The following ASGR1 variants were observed in gnomAD, a reference collection of about 807,000 sequenced individuals.
The protein encoded by ASGR1 is asialoglycoprotein receptor 1.
Under a neutral mutation model 33.1 loss-of-function variants are expected in ASGR1, and 35 were observed. That is an observed-to-expected ratio of 1.06 (90% confidence interval 0.81 to 1.40). The LOEUF is 1.40. Ranked by LOEUF, ASGR1 falls within the 40% of genes most tolerant of loss-of-function variation. The pLI is 0.00. For missense variants in ASGR1, 396 were observed against 373.7 expected, an observed-to-expected ratio of 1.06 and a Z score of -0.49; for synonymous variants, 142 against 152.5, an observed-to-expected ratio of 0.93 and a Z score of 0.51.
chr17:7,176,089 C>T (rs1030728560), intron 5 of ASGR1, among the ~76,000 whole-genome samples: 90 of 151,114 alleles, frequency 6.0e-4, no homozygotes, highest in Admixed American at 5.1e-3. Context: ...CATTCTCACA[C>T]TCACACACAC....
intron 5 of ASGR1, among the ~76,000 whole-genome samples, chr17:7,174,688 A>AAC (rs201775789): frequency 4.1e-5 from 6 of 146,096 alleles, no homozygotes; most frequent in African/African-American, 1.3e-4. Context: ...AACACATCCT[A>AAC]ACACACACAC....
At position 7,174,008 on chromosome 17, in the gene ASGR1, G is replaced by A; in HGVS notation, c.654C>T (p.Asn218=). Reference sequence around the variant, plus strand: ...TCCCGTCCACCCACTTCCAGGGCCCGTTTTGGTCGTGGAGGCCCATCCAGG... The same window carrying A: ...TCCCGTCCACCCACTTCCAGGGCCCATTTTGGTCGTGGAGGCCCATCCAGG... ...VNTWMGLHDQ[N]GPWKWVDGTD... Residue 218 remains asparagine (N), a synonymous_variant, in exon 8 of 9, where the codon AAC becomes AAT. Coordinates refer to ENST00000269299, the MANE Select transcript of ASGR1 (RefSeq NM_001671.5). 6.2e-7 allele frequency: 1 copy of A among 1,614,232 alleles called. No individual in the cohort carries two copies.
chr17:7,178,193 T>C (rs756307007), intron 2 of ASGR1: 1 of 424,558 alleles, frequency 2.4e-6, no homozygotes, highest in Non-Finnish European at 4.4e-6. Context: ...CGTGACTTCG[T>C]CATAGGAAGC....
chr17:7,176,116 ACT>A lies in ASGR1; in HGVS notation c.355+712_355+713del, dbSNP rs577151897. ...CACACACACTCCCTCTCATTCTCAC[ACT>A]CAGACTCTGTCACACACACACCCAT... is the stretch of plus-strand genomic sequence containing the variant. On this transcript the variant is annotated intron_variant, in intron 5 of 8. Coordinates refer to ENST00000269299, the MANE Select transcript of ASGR1 (RefSeq NM_001671.5). Among the ~76,000 whole-genome samples, 24 of 146,236 alleles carry A rather than the reference ACT, an allele frequency of 1.6e-4. No individual in the cohort carries two copies. In the South Asian group the frequency reaches 3.9e-3, roughly 24 times the overall value.
At chr17:7,175,512 AC>A (rs762713308) in intron 5 of ASGR1, among the ~76,000 whole-genome samples, 31 of 150,962 alleles carry the variant, frequency 2.1e-4, no homozygotes, top group Non-Finnish European at 3.8e-4. Flanking sequence ...CCCACAACAC[AC>A]ATATACTCTT....
At chr17:7,176,570 TCACA>T (rs71959975) in intron 5 of ASGR1, 5,392 of 493,914 alleles carry the variant, frequency 0.011, 50 homozygotes, top group Admixed American at 0.016. Context: ...CACCTCATTC[TCACA>T]CACAGACTCA....
chr17:7,173,928 C>G lies in ASGR1; in HGVS notation c.701+33G>C. ...CCAGGGCCCCAGGGCGCGAAGGCGGCCGGACCCAGGCCGAGGGAGGGCGCG... is the reference window on the plus strand; with the variant it reads ...CCAGGGCCCCAGGGCGCGAAGGCGGGCGGACCCAGGCCGAGGGAGGGCGCG... On this transcript the variant is annotated intron_variant, in intron 8 of 8. Coordinates refer to ENST00000269299, the MANE Select transcript of ASGR1 (RefSeq NM_001671.5). This position sits in a 1 kb window ranked among gnomAD's most constrained non-coding sequence, Gnocchi z 4.7. 6.2e-7 allele frequency: 1 copy of G among 1,613,132 alleles called. No individual in the cohort carries two copies.
chr17:7,176,985 G>T lies in ASGR1; in HGVS notation c.279C>A (p.Thr93=), dbSNP rs935298266. The T allele has an allele frequency of 6.2e-7, 1 of 1,609,494 alleles. No homozygotes were observed. Among genetic ancestry groups the T allele is most frequent in the African/African-American group, 1.3e-5 (1 of 74,686 alleles). The change falls in exon 4 of 9, where the codon ACC becomes ACA. Residue 93 remains threonine (T), a synonymous_variant. Coordinates refer to ENST00000269299, the MANE Select transcript of ASGR1 (RefSeq NM_001671.5). ...GCCCCGCCCCAGCGCCCTCACCCTG[G>T]GTGCTCAAGCCCTTGACCTGGGCCT... ...STEAQVKGLS[T]QGGNVGRKMK... is the part of the protein sequence containing the mutation.
At chr17:7,176,092 A>T (rs1475587501) in intron 5 of ASGR1, among the ~76,000 whole-genome samples, 1 of 148,242 alleles carries the variant, frequency 6.7e-6, no homozygotes, top group East Asian at 2.1e-4. Flanking sequence ...TCTCACACTC[A>T]CACACACTCC....
At chr17:7,174,882 AC>A (rs1337238564) in intron 5 of ASGR1, among the ~76,000 whole-genome samples, 2 of 149,182 alleles carry the variant, frequency 1.3e-5, no homozygotes, top group Non-Finnish European at 3.0e-5. Context: ...TAACCCACAT[AC>A]AGACAACACA....
Position 7,176,900 on chromosome 17 carries a change from T to A in ASGR1, c.285A>T (p.Gly95=), listed in dbSNP as rs758941532. The change falls in exon 5 of 9, where the codon GGA becomes GGT. Residue 95 remains glycine (G), a splice_region_variant and synonymous_variant. Transcript: ENST00000269299. The part of the protein sequence containing the change: ...EAQVKGLSTQ[G]GNVGRKMKSL... ...ACTTCATCTTTCTTCCCACATTGCC[T>A]CCTGCGGGAGAGGCTCGCTCAGCGT... is the stretch of plus-strand genomic sequence containing the variant. 1.5e-5 allele frequency: 24 copies of A among 1,612,962 alleles called. No individual in the cohort carries two copies. Among genetic ancestry groups the A allele is most frequent in the Non-Finnish European group, 2.0e-5 (24 of 1,179,984 alleles).
At position 7,178,500 on chromosome 17, in the gene ASGR1, T is replaced by A. The variant is rs1281617914; in HGVS notation, c.64A>T (p.Arg22Ter). The A allele has an allele frequency of 2.5e-6, 4 of 1,613,894 alleles. No homozygotes were observed. The highest frequency in any genetic ancestry group is 3.4e-6 in the Non-Finnish European group (4 of 1,179,788). ...AGGGCAAGGTGGCCCTCACCTTTTC[T>A]GAGCTGATGGTGGTCACTCTCCTCA... ...DNEESDHHQL[R>*]KGPPPPQPLL... Residue 22 changes from arginine to a stop codon, truncating the protein, a stop_gained, in exon 2 of 9, where the codon AGA (arginine) becomes TGA (stop). Transcript: ENST00000269299. LOFTEE classifies it high-confidence loss of function.
chr17:7,176,796 A>T lies in ASGR1; in HGVS notation c.355+34T>A, dbSNP rs34749041. ...TCCACACATTCTCACTCTCTTTCAC[A>T]CACACACACACACACACACACTCCC... On this transcript the variant is annotated intron_variant, in intron 5 of 8. Transcript: ENST00000269299. The T allele has an allele frequency of 0.015, 20,877 of 1,371,636 alleles. 173 individuals are homozygous for T. Among genetic ancestry groups the T allele is most frequent in the South Asian group, 0.057 (4,411 of 76,846 alleles). 85.0% of individuals were successfully genotyped at this position (1,371,636 alleles called of 1,614,324 possible).
At position 7,176,903 on chromosome 17, in the gene ASGR1, TGCGGGAGAG is replaced by T. The variant is rs1490613215; in HGVS notation, c.284-11_284-3del. 37 of 1,612,934 alleles carry T rather than the reference TGCGGGAGAG, an allele frequency of 2.3e-5. No homozygotes were observed. The highest frequency in any genetic ancestry group is 3.1e-5 in the Non-Finnish European group (36 of 1,180,020). On this transcript the variant is annotated splice_region_variant and splice_polypyrimidine_tract_variant and intron_variant, in intron 4 of 8. Transcript: ENST00000269299. ...TCATCTTTCTTCCCACATTGCCTCC[TGCGGGAGAG>T]GCTCGCTCAGCGTTCCCGACAGCCC... is the stretch of plus-strand genomic sequence containing the variant.
intron 5 of ASGR1, among the ~76,000 whole-genome samples, chr17:7,176,084 TCA>T (rs1227065576): frequency 5.4e-5 from 8 of 148,562 alleles, no homozygotes; most frequent in South Asian, 2.1e-4. Context: ...CTTCTCATTC[TCA>T]CACTCACACA....
At chr17:7,177,512 C>T (rs538425792) in intron 2 of ASGR1, 186 bp from the exon 3 acceptor site, 3 of 583,728 alleles carry the variant, frequency 5.1e-6, no homozygotes, top group Admixed American at 3.1e-5. Flanking sequence ...GAAAAGAGGG[C>T]TGGGGAAGGG....
rs1357946604 is a variant in ASGR1, at chr17:7,173,845, G to A, written c.702-12C>T. 1.9e-6 allele frequency: 3 copies of A among 1,608,514 alleles called. No individual in the cohort carries two copies. The highest frequency in any genetic ancestry group is 1.7e-6 in the Non-Finnish European group (2 of 1,178,234). On this transcript the variant is annotated splice_polypyrimidine_tract_variant and intron_variant, in intron 8 of 8. Coordinates refer to ENST00000269299, the MANE Select transcript of ASGR1 (RefSeq NM_001671.5). The surrounding 1 kb of genome is among the most constrained non-coding windows in gnomAD (Gnocchi z 4.7). ...CCGGCCTCCAGTTCCTGGGGACAGA[G>A]CCAGCTGTGGGCCCCAGGAGGTCGG...
Position 7,174,256 on chromosome 17 carries a change from A to C in ASGR1, c.476T>G (p.Val159Gly). ...SERTCCPVNW[V>G]EHERSCYWFS... is the part of the protein sequence containing the mutation. ...CCAGTAGCAGCTGCGCTCGTGCTCC[A>C]CCCAGTTGACCGGGCAGCAGGTCCT... is the stretch of plus-strand genomic sequence containing the variant. Residue 159 changes from valine to glycine, a missense_variant, in exon 7 of 9, where the codon GTG becomes GGG. Coordinates refer to ENST00000269299, the MANE Select transcript of ASGR1 (RefSeq NM_001671.5). The C allele has an allele frequency of 6.2e-7, 1 of 1,614,098 alleles. No individual in the cohort carries two copies. The highest frequency in any genetic ancestry group is 8.5e-7 in the Non-Finnish European group (1 of 1,179,978).
At chr17:7,175,388 C>A (rs1246919834) in intron 5 of ASGR1, among the ~76,000 whole-genome samples, 2 of 145,246 alleles carry the variant, frequency 1.4e-5, no homozygotes, top group African/African-American at 2.6e-5. Context: ...CACACAAAAA[C>A]CACAACACAC....
Sources: gnomAD v4.1 joint callset for allele counts (sites outside exome capture counted in the v4.1 genomes callset) on GRCh38, gnomAD v4.1.1 for gene constraint, Gnocchi (gnomAD v3.1) non-coding constraint, MANE v1.5 for transcripts, NCBI Gene and HGNC (gene_info 2026-07-23, HGNC 2026-07-21) for gene names.